Variants in ADAMTSL1 observed in about 807,000 individuals in gnomAD.
The protein encoded by ADAMTSL1 is ADAMTS like 1.
ADAMTSL1 carries 126 observed loss-of-function variants against 201.8 expected under a neutral mutation model. The ratio of observed to expected loss-of-function variants is 0.62; its 90% CI spans 0.54 to 0.72. The LOEUF (loss-of-function observed/expected upper bound fraction) is 0.72. Ranked by LOEUF, ADAMTSL1 falls within the 30% of genes least tolerant of loss-of-function variation. The pLI, the probability that ADAMTSL1 is intolerant of heterozygous loss-of-function variation, is 0.00. For missense variants in ADAMTSL1, 2,679 were observed against 2,277.8 expected (o/e 1.18, Z -3.59); for synonymous variants, 1,121 against 903.4 (o/e 1.24, Z -4.32).
chr9:17,963,607 A>T (rs1329916), intron 1 of ADAMTSL1, among the ~76,000 whole-genome samples: 9 of 151,908 alleles, frequency 5.9e-5, no homozygotes, highest in African/African-American at 1.5e-4. Context: ...CTAAAAGGAT[A>T]GACATTCAAT....
At chr9:17,917,231 G>A (rs1826128919) in intron 1 of ADAMTSL1, among the ~76,000 whole-genome samples, 1 of 151,994 alleles carries the variant, frequency 6.6e-6, no homozygotes, top group African/African-American at 2.4e-5. Flanking sequence ...AAGTCTTTAT[G>A]TCTTTTATGA....
At chr9:18,723,232 A>G (rs1024004852) in intron 15 of ADAMTSL1, 1 of 645,492 alleles carries the variant, frequency 1.5e-6, no homozygotes, top group Non-Finnish European at 2.8e-6. Flanking sequence ...TTTTGTAGGC[A>G]GAAGCATTAA....
chr9:18,405,531 G>A (rs1192633111), intron 2 of ADAMTSL1, among the ~76,000 whole-genome samples: 1 of 151,744 alleles, frequency 6.6e-6, no homozygotes, highest in Non-Finnish European at 1.5e-5. Context: ...AGGCCAAGCA[G>A]CAGTTGACGT....
intron 2 of ADAMTSL1, among the ~76,000 whole-genome samples, chr9:18,384,602 C>T (rs970953366): frequency 3.9e-5 from 6 of 152,176 alleles, no homozygotes; most frequent in Non-Finnish European, 1.5e-5. Flanking sequence ...ACCTGCCCCA[C>T]CGGGATGTGT....
intron 2 of ADAMTSL1, among the ~76,000 whole-genome samples, chr9:18,324,527 G>A (rs1220534503): frequency 6.6e-6 from 1 of 151,836 alleles, no homozygotes; most frequent in East Asian, 1.9e-4. Context: ...CATTTTGGGA[G>A]GCCAAGGAAG....
At chr9:18,099,355 A>ATATATATATATATATATATATATATTT (rs1239180390) in intron 1 of ADAMTSL1, among the ~76,000 whole-genome samples, 6 of 45,558 alleles carry the variant, frequency 1.3e-4, no homozygotes, top group Non-Finnish European at 2.0e-4. Context: ...ATATATATAT[A>ATATATATATATATATATATATATATTT]TTTTTTTTTT....
Position 18,065,516 on chromosome 9 carries a change from A to G in ADAMTSL1, c.88-98346A>G, listed in dbSNP as rs370769032. On this transcript the variant is annotated intron_variant, in intron 1 of 29. Coordinates refer to the ADAMTSL1 transcript ENST00000680146. Reference sequence around the variant, plus strand: ...TTCAGTTAACTTAAAAGTGAACTTTATATCACCACCATAAGTGAAAAGTAG... The same window carrying G: ...TTCAGTTAACTTAAAAGTGAACTTTGTATCACCACCATAAGTGAAAAGTAG... Among the ~76,000 whole-genome samples, 248 of 152,364 alleles carry G rather than the reference A, an allele frequency of 1.6e-3. 7 individuals carry two copies. The South Asian group carries it at 0.05, about 31-fold the overall frequency.
intron 2 of ADAMTSL1, among the ~76,000 whole-genome samples, chr9:18,303,765 T>A (rs1232106801): frequency 6.6e-6 from 1 of 152,206 alleles, no homozygotes; most frequent in Non-Finnish European, 1.5e-5. Flanking sequence ...GTGATGGTTT[T>A]ATGGCCATTA....
chr9:18,563,007 C>A (rs1821627938), intron 3 of ADAMTSL1, among the ~76,000 whole-genome samples: 1 of 152,198 alleles, frequency 6.6e-6, no homozygotes, highest in Non-Finnish European at 1.5e-5. Context: ...CCTTCTGAAG[C>A]CTACTTCTGT....
intron 19 of ADAMTSL1, among the ~76,000 whole-genome samples, chr9:18,780,337 A>G (rs1178014234): frequency 6.6e-6 from 1 of 152,216 alleles, no homozygotes; most frequent in Non-Finnish European, 1.5e-5. Flanking sequence ...AGGCCACGGA[A>G]GGTTAAAACT....
intron 1 of ADAMTSL1, among the ~76,000 whole-genome samples, chr9:18,115,215 C>A (rs759515274): frequency 3.3e-5 from 5 of 152,092 alleles, no homozygotes; most frequent in Non-Finnish European, 7.4e-5. Flanking sequence ...TATTGAACAT[C>A]TTTTTTGCAT....
intron 28 of ADAMTSL1, 44 bp downstream of exon 28, chr9:18,906,956 G>A: frequency 6.2e-7 from 1 of 1,605,912 alleles, no homozygotes; most frequent in Non-Finnish European, 8.5e-7. Context: ...TCCCCATAGA[G>A]CATCGAGTGC....
chr9:18,592,434 G>C (rs1017237417), intron 4 of ADAMTSL1, among the ~76,000 whole-genome samples: 1 of 152,148 alleles, frequency 6.6e-6, no homozygotes, highest in Non-Finnish European at 1.5e-5. Context: ...TTCAAATGCT[G>C]AATGTCCACA....
intron 19 of ADAMTSL1, 144 bp from the exon 20 acceptor site, chr9:18,795,253 G>C (rs1822336532): frequency 2.8e-6 from 3 of 1,064,244 alleles, no homozygotes; most frequent in Non-Finnish European, 4.0e-6. Flanking sequence ...ACAGGTTCTT[G>C]ATTGTCCTTG....
chr9:18,083,305 G>A (rs1395064289), intron 1 of ADAMTSL1, among the ~76,000 whole-genome samples: 1 of 152,184 alleles, frequency 6.6e-6, no homozygotes, highest in Non-Finnish European at 1.5e-5. Flanking sequence ...GATGAGTTCA[G>A]TTCTCAAGGT....
chr9:18,618,164 GT>G (rs1348229716), intron 4 of ADAMTSL1, among the ~76,000 whole-genome samples: 2 of 152,148 alleles, frequency 1.3e-5, no homozygotes, highest in Non-Finnish European at 2.9e-5. Context: ...CAGGGCAGAG[GT>G]TTAGGTTTAG....
chr9:18,129,627 G>T (rs1307062767), intron 1 of ADAMTSL1, among the ~76,000 whole-genome samples: 5 of 152,144 alleles, frequency 3.3e-5, no homozygotes, highest in Non-Finnish European at 7.3e-5. Flanking sequence ...ACTTGTATAT[G>T]TTTATTAAGT....
intron 20 of ADAMTSL1, among the ~76,000 whole-genome samples, chr9:18,800,972 AC>A (rs1308319660): frequency 7.2e-6 from 1 of 139,710 alleles, no homozygotes. Flanking sequence ...TGACCCACTG[AC>A]ATTGGCAAAA....
intron 2 of ADAMTSL1, among the ~76,000 whole-genome samples, chr9:18,345,923 A>G (rs762241027): frequency 6.6e-6 from 1 of 151,964 alleles, no homozygotes; most frequent in Non-Finnish European, 1.5e-5. Context: ...CAAGGACTGC[A>G]GGCCCTGTAA....
Sources: allele counts gnomAD v4.1 joint callset (sites outside exome capture counted in the v4.1 genomes callset), GRCh38; gene constraint gnomAD v4.1.1; transcripts MANE v1.5; gene names NCBI Gene and HGNC (gene_info 2026-07-23, HGNC 2026-07-21).